The following DOP1B variants were observed in gnomAD, a reference collection of about 807,000 sequenced individuals.
DOP1B encodes DOP1 leucine zipper like protein B, also known as protein DOP1B.
In DOP1B, 174 loss-of-function variants were observed where a neutral mutation model predicts 233.5. The ratio of observed to expected loss-of-function variants is 0.75; its 90% CI spans 0.66 to 0.85. The LOEUF is 0.85. DOP1B is among the 40% of genes least tolerant of loss of function. The pLI is 0.00. For missense variants in DOP1B, 2,652 were observed against 2,846.6 expected (o/e 0.93, Z 1.56); for synonymous variants, 1,190 against 1,185.6 (o/e 1.00, Z -0.08).
At chr21:36,258,532 C>T (rs1197589562) in intron 23 of DOP1B, among the ~76,000 whole-genome samples, 4 of 152,078 alleles carry the variant, frequency 2.6e-5, no homozygotes, top group Non-Finnish European at 4.4e-5. Context: ...GCAGATGAAT[C>T]GGAAGACTTT....
In DOP1B at chr21:36,212,059, A is replaced by T; in HGVS notation, c.866A>T (p.Asp289Val). The change falls in exon 7 of 37, where the codon GAC (aspartate) becomes GTC (valine). Residue 289 changes from aspartate (D) to valine (V), a missense_variant. Coordinates refer to ENST00000691173, the MANE Select transcript of DOP1B (RefSeq NM_001320714.2). ...GCCACCCAGACCCTACTGAGAAGGG[A>T]CATGTCCCTGAACAGAAGACTGTAT... is the stretch of plus-strand genomic sequence containing the variant. ...SAATQTLLRRDMSLNRRLYAW... is the reference protein window; with the variant it reads ...SAATQTLLRRVMSLNRRLYAW... 4 of 1,613,816 alleles carry T rather than the reference A, an allele frequency of 2.5e-6. No homozygotes were observed. The highest frequency in any genetic ancestry group is 2.2e-5 in the South Asian group (2 of 90,986).
chr21:36,245,967 C>G lies in DOP1B; in HGVS notation c.3987C>G (p.Cys1329Trp). The G allele has an allele frequency of 6.2e-7, 1 of 1,614,036 alleles. No homozygotes were observed. The highest frequency in any genetic ancestry group is 8.5e-7 in the Non-Finnish European group (1 of 1,180,000). The change falls in exon 19 of 37, where the codon TGC (cysteine) becomes TGG (tryptophan). Residue 1329 changes from cysteine (C) to tryptophan (W), a missense_variant. Cys to Trp is a radical substitution (Grantham distance 215). Coordinates refer to ENST00000691173, the MANE Select transcript of DOP1B (RefSeq NM_001320714.2). This position sits in a 1 kb window ranked among gnomAD's most constrained non-coding sequence, Gnocchi z 5.5. ...CLSFLRSYYP[C>W]YLKVSHRDIL... ...GCTTCCTGCGCTCCTACTACCCTTG[C>G]TATTTGAAGGTCTCGCACCGAGACA...
At position 36,248,536 on chromosome 21, in the gene DOP1B, G is replaced by T; in HGVS notation, c.4966G>T (p.Gly1656Ter). The T allele has an allele frequency of 6.2e-6, 10 of 1,611,272 alleles. No individual in the cohort carries two copies. The highest frequency in any genetic ancestry group is 7.6e-6 in the Non-Finnish European group (9 of 1,179,134). ...TGTCGATCTCCTAGGGGCCACGAAG[G>T]GATCCTCTTCCGTTTACTTTAAAAC... ...RPVDLLGATK[G>*]SSSVYFKTTK... The change falls in exon 21 of 37, where the codon GGA (glycine) becomes TGA (stop). Residue 1656 changes from glycine to a stop codon, truncating the protein, a stop_gained. Transcript: ENST00000691173. LOFTEE classifies it high-confidence loss of function.
At chr21:36,287,908 G>A in intron 32 of DOP1B, 106 bp from the exon 33 acceptor site, 1 of 1,393,354 alleles carries the variant, frequency 7.2e-7, no homozygotes, top group Non-Finnish European at 9.7e-7. Context: ...CCTTACACTG[G>A]GTTGTTACTA....
chr21:36,263,506 G>C, intron 24 of DOP1B, 40 bp from the exon 25 acceptor site: 3 of 1,545,476 alleles, frequency 1.9e-6, no homozygotes, highest in Non-Finnish European at 2.7e-6. Flanking sequence ...ATTTTGACTT[G>C]TTCGTGGTTG....
chr21:36,160,140 T>A (rs55919924), intron 1 of DOP1B, among the ~76,000 whole-genome samples: 143 of 65,566 alleles, frequency 2.2e-3, no homozygotes, highest in African/African-American at 4.2e-3. Context: ...AAAATAATAA[T>A]AATAATAATA....
At chr21:36,213,367 C>A (rs1197662002) in intron 7 of DOP1B, among the ~76,000 whole-genome samples, 1 of 152,072 alleles carries the variant, frequency 6.6e-6, no homozygotes, top group African/African-American at 2.4e-5. Context: ...TATTCTTTGC[C>A]CATACCATGA....
chr21:36,243,005 A>T (rs2123582040), intron 18 of DOP1B, among the ~76,000 whole-genome samples: 1 of 141,532 alleles, frequency 7.1e-6, no homozygotes, highest in African/African-American at 2.6e-5. Context: ...TTTGAGATGG[A>T]GTCTCACTCT....
At chr21:36,207,721 C>G (rs1030537338) in intron 4 of DOP1B, among the ~76,000 whole-genome samples, 38 of 152,092 alleles carry the variant, frequency 2.5e-4, no homozygotes, top group Admixed American at 9.8e-4. Context: ...GTTGGTTTTT[C>G]TGATTGTTTT....
Position 36,293,376 on chromosome 21 carries a change from A to G in DOP1B, c.6702A>G (p.Gln2234=), listed in dbSNP as rs567737587. Residue 2234 remains glutamine (Q), a synonymous_variant, in exon 37 of 37, where the codon CAA becomes CAG. Transcript: ENST00000691173. Reference sequence around the variant, plus strand: ...AGAGTGAATTCCCGCTTCTGCGCCAACATTCTGTTTCCAGCATCAGGCAGT... The same window carrying G: ...AGAGTGAATTCCCGCTTCTGCGCCAGCATTCTGTTTCCAGCATCAGGCAGT... ...TMKSEFPLLR[Q]HSVSSIRQLM... is the part of the protein sequence containing the mutation. 27 of 1,614,002 alleles carry G rather than the reference A, an allele frequency of 1.7e-5. No homozygotes were observed. Among genetic ancestry groups the G allele is most frequent in the South Asian group, 2.2e-5 (2 of 91,082 alleles).
In DOP1B at chr21:36,245,084, C is replaced by T; in HGVS notation, c.3104C>T (p.Ser1035Phe). 1.2e-6 allele frequency: 2 copies of T among 1,602,346 alleles called. No homozygotes were observed. Among genetic ancestry groups the T allele is most frequent in the Non-Finnish European group, 1.7e-6 (2 of 1,170,484 alleles). The part of the protein sequence containing the change: ...LHRWFNRKKT[S>F]FREACAVPEP... ...CGTTGGTTTAACAGGAAGAAAACCT[C>T]TTTCAGAGAGGCATGCGCAGTGCCC... is the stretch of plus-strand genomic sequence containing the variant. Residue 1035 changes from serine to phenylalanine, a missense_variant, in exon 19 of 37, where the codon TCT becomes TTT. By Grantham distance (155) the Ser-to-Phe change is radical. Coordinates refer to ENST00000691173, the MANE Select transcript of DOP1B (RefSeq NM_001320714.2). This position sits in a 1 kb window ranked among gnomAD's most constrained non-coding sequence, Gnocchi z 5.5.
In DOP1B at chr21:36,204,656, C is replaced by CTTTTT. The variant is rs1255662240; in HGVS notation, c.492-4058_492-4057insTTTTT. 9.3e-5 allele frequency among the ~76,000 whole-genome samples: 5 copies of CTTTTT among 53,816 alleles called. 1 individual carries two copies. The highest frequency in any genetic ancestry group is 6.6e-4 in the African/African-American group (5 of 7,574). 35.3% of individuals were successfully genotyped at this position (53,816 alleles called of 152,430 possible). On this transcript the variant is annotated intron_variant, in intron 4 of 36. Transcript: ENST00000691173. Reference sequence around the variant, plus strand: ...GAGCCACCCCTTTTGGCTGACATTTCTATTTTTTTTTTTTTTTTGAGACAG... The same window carrying CTTTTT: ...GAGCCACCCCTTTTGGCTGACATTTCTTTTTTATTTTTTTTTTTTTTTTGAGACAG...
At chr21:36,173,939 A>G (rs1316590475) in intron 2 of DOP1B, among the ~76,000 whole-genome samples, 1 of 151,206 alleles carries the variant, frequency 6.6e-6, no homozygotes, top group South Asian at 2.1e-4. Context: ...CGCTGCTTTT[A>G]TCTGATGACA....
chr21:36,161,403 C>G (rs1305541368), intron 1 of DOP1B, among the ~76,000 whole-genome samples: 1 of 152,182 alleles, frequency 6.6e-6, no homozygotes, highest in Non-Finnish European at 1.5e-5. Flanking sequence ...TCCCAAAGCG[C>G]TGGGATTATA....
chr21:36,230,576 C>T lies in DOP1B; in HGVS notation c.1792C>T (p.Pro598Ser). Residue 598 changes from proline to serine, a missense_variant, in exon 14 of 37, where the codon CCG (proline) becomes TCG (serine). By Grantham distance (74) the Pro-to-Ser change is moderately conservative (BLOSUM62 -1). Coordinates refer to ENST00000691173, the MANE Select transcript of DOP1B (RefSeq NM_001320714.2). ...TGGGATCGGGCTCAGTGCCTCGTCA[C>T]CGGAGCTCTCTGAGCACTTGAGGGT... is the stretch of plus-strand genomic sequence containing the variant. ...DSGIGLSASSPELSEHLRVPR... is the reference protein window; with the variant it reads ...DSGIGLSASSSELSEHLRVPR... 1.6e-5 allele frequency: 26 copies of T among 1,614,218 alleles called. No individual in the cohort carries two copies. Among genetic ancestry groups the T allele is most frequent in the Non-Finnish European group, 2.2e-5 (26 of 1,180,048 alleles).
At position 36,198,431 on chromosome 21, in the gene DOP1B, A is replaced by C. The variant is rs956848869; in HGVS notation, c.139-639A>C. Among the ~76,000 whole-genome samples the C allele has an allele frequency of 5.0e-4, 67 of 132,950 alleles. 1 individual carries two copies. The highest frequency in any genetic ancestry group is 8.5e-4 in the Non-Finnish European group (56 of 65,556). 87.2% of individuals were successfully genotyped at this position (132,950 alleles called of 152,430 possible). A position where few individuals can be genotyped will look rare whatever the true frequency, so the allele number is the denominator to read the frequency against. On this transcript the variant is annotated intron_variant, in intron 2 of 36. Transcript: ENST00000691173. Reference sequence around the variant, plus strand: ...GTGACAGAGCAAGACTGCATCTCACAAAAAAAAAAAAGAAAAAAAAAGATT... The same window carrying C: ...GTGACAGAGCAAGACTGCATCTCACCAAAAAAAAAAAGAAAAAAAAAGATT...
chr21:36,179,067 G>A (rs2516555), intron 2 of DOP1B, among the ~76,000 whole-genome samples: 7 of 152,040 alleles, frequency 4.6e-5, no homozygotes, highest in Non-Finnish European at 8.8e-5. Flanking sequence ...AGTATGTGCC[G>A]TCTCTCTCCT....
In DOP1B at chr21:36,212,113, C is replaced by A; in HGVS notation, c.904+16C>A. 6.4e-7 allele frequency: 1 copy of A among 1,552,834 alleles called. No homozygotes were observed. ...TGGTTACTAGGTACTGAGCAGTATA[C>A]ACCCTTTTAAAGTCAAAGTTAATAT... On this transcript the variant is annotated intron_variant, in intron 7 of 36. Coordinates refer to ENST00000691173, the MANE Select transcript of DOP1B (RefSeq NM_001320714.2).
chr21:36,210,085 C>T (rs1244295996), intron 5 of DOP1B, among the ~76,000 whole-genome samples: 1 of 152,154 alleles, frequency 6.6e-6, no homozygotes, highest in Non-Finnish European at 1.5e-5. Context: ...TCCATCGTCT[C>T]AGCCCTGCTC....
Sources: allele counts gnomAD v4.1 joint callset (sites outside exome capture counted in the v4.1 genomes callset), GRCh38; gene constraint gnomAD v4.1.1; non-coding constraint Gnocchi (gnomAD v3.1); transcripts MANE v1.5; gene names NCBI Gene and HGNC (gene_info 2026-07-23, HGNC 2026-07-21).